PTPRN2: variants seen among roughly 807,000 people sequenced by gnomAD.
PTPRN2 encodes protein tyrosine phosphatase receptor type N2.
In PTPRN2, 74 loss-of-function variants were observed where a neutral mutation model predicts 118.8. That is an observed-to-expected ratio of 0.62 (90% CI 0.52 to 0.76). The LOEUF is 0.76. Among genes scored for constraint, PTPRN2 ranks in the 30% least tolerant of loss-of-function variants. PTPRN2 has a pLI of 0.00. For synonymous variants in PTPRN2, 641 were observed against 608.0 expected (o/e 1.05, Z -0.80); for missense variants, 1,481 against 1,394.4 (o/e 1.06, Z -0.99).
At position 158,171,290 on chromosome 7, in the gene PTPRN2, C is replaced by T. The variant is rs1325211249; in HGVS notation, c.550-3999G>A. On this transcript the variant is annotated intron_variant, in intron 5 of 22. Transcript: ENST00000389418. ...ACACATATATACACACATATATATA[C>T]ACACATATATATACACACATATATA... is the stretch of plus-strand genomic sequence containing the variant. Among the ~76,000 whole-genome samples, 10 of 59,878 alleles carry T rather than the reference C, an allele frequency of 1.7e-4. 1 individual carries two copies. The highest frequency in any genetic ancestry group is 1.1e-3 in the African/African-American group (9 of 8,530). 39.3% of individuals were successfully genotyped at this position (59,878 alleles called of 152,430 possible).
At position 158,080,442 on chromosome 7, in the gene PTPRN2, G is replaced by A. The variant is rs118038861; in HGVS notation, c.1723+856C>T. On this transcript the variant is annotated intron_variant, in intron 11 of 22. Transcript: ENST00000389418. ...TTCCGTCCTGTCTTATCAATGATAC[G>A]GAACGGGAGCACCCTGCCTGCGGAA... 1.6e-4 allele frequency among the ~76,000 whole-genome samples: 24 copies of A among 151,742 alleles called. No individual in the cohort carries two copies. In the East Asian group the frequency reaches 4.3e-3, roughly 27 times the overall value.
At chr7:158,208,443 G>T (rs1379107591) in intron 3 of PTPRN2, among the ~76,000 whole-genome samples, 3 of 152,122 alleles carry the variant, frequency 2.0e-5, no homozygotes. Flanking sequence ...TGGAGCTGCA[G>T]TACATCTGGC....
chr7:157,782,662 C>T (rs768569038), intron 12 of PTPRN2, among the ~76,000 whole-genome samples: 2 of 152,210 alleles, frequency 1.3e-5, no homozygotes, highest in Non-Finnish European at 2.9e-5. Flanking sequence ...CGACGAGTGT[C>T]GGTACTCCAA....
In PTPRN2 at chr7:157,598,531, G is replaced by A. The variant is rs966538278; in HGVS notation, c.2419-3216C>T. ...GGGCCTCAGTCTCCATATCTGTATG[G>A]TGGGTGAGCTCAGGGAGTGAGGAGC... On this transcript the variant is annotated intron_variant, in intron 16 of 22. Coordinates refer to ENST00000389418, the MANE Select transcript of PTPRN2 (RefSeq NM_002847.5). The surrounding 1 kb of genome is among the most constrained non-coding windows in gnomAD (Gnocchi z 5.2). Among the ~76,000 whole-genome samples the A allele has an allele frequency of 2.0e-5, 3 of 149,614 alleles. No individual in the cohort carries two copies. Among genetic ancestry groups the A allele is most frequent in the Admixed American group, 6.6e-5 (1 of 15,184 alleles).
chr7:157,979,602 T>G (rs1802985508), intron 11 of PTPRN2, among the ~76,000 whole-genome samples: 1 of 152,098 alleles, frequency 6.6e-6, no homozygotes, highest in South Asian at 2.1e-4. Flanking sequence ...CCAGATGACT[T>G]GGTCACTACA....
In PTPRN2 at chr7:157,550,605, G is replaced by A. The variant is rs1341671451; in HGVS notation, c.2903-1586C>T. Among the ~76,000 whole-genome samples, 2 of 152,204 alleles carry A rather than the reference G, an allele frequency of 1.3e-5. No individual in the cohort carries two copies. Among genetic ancestry groups the A allele is most frequent in the Admixed American group, 6.5e-5 (1 of 15,292 alleles). ...TTTCCTGGCAGGAACAGGGCTCGTG[G>A]TGATGGGAGCCACTGTCGGGGCTAA... On this transcript the variant is annotated intron_variant, in intron 21 of 22. Transcript: ENST00000389418. This position sits in a 1 kb window ranked among gnomAD's most constrained non-coding sequence, Gnocchi z 5.2.
At chr7:158,071,299 TGGTGG>T (rs1811495827) in intron 11 of PTPRN2, among the ~76,000 whole-genome samples, 5 of 113,766 alleles carry the variant, frequency 4.4e-5, no homozygotes, top group Admixed American at 8.8e-5. Context: ...GAGGTGCTCG[TGGTGG>T]AGGTGCCCAT....
At chr7:157,816,210 G>A (rs148067919) in intron 12 of PTPRN2, among the ~76,000 whole-genome samples, 31 of 152,294 alleles carry the variant, frequency 2.0e-4, no homozygotes, top group South Asian at 4.1e-4. Context: ...GCCTCCTAGC[G>A]TGCTCTGAGG....
chr7:157,755,423 G>A (rs540132610), intron 12 of PTPRN2, among the ~76,000 whole-genome samples: 12 of 152,202 alleles, frequency 7.9e-5, no homozygotes, highest in Middle Eastern at 6.8e-3. Context: ...GAAGTTCATC[G>A]AACTTCTAGG....
At position 157,582,883 on chromosome 7, in the gene PTPRN2, A is replaced by T. The variant is rs1221441459; in HGVS notation, c.2497-4743T>A. 3.2e-5 allele frequency among the ~76,000 whole-genome samples: 3 copies of T among 93,136 alleles called. No individual in the cohort carries two copies. In the Admixed American group the frequency reaches 3.4e-4, roughly 10 times the overall value. 61.1% of individuals were successfully genotyped at this position (93,136 alleles called of 152,430 possible). On this transcript the variant is annotated intron_variant, in intron 17 of 22. Transcript: ENST00000389418. ...GAGCAAAACTCCACCTCAAAAAAAA[A>T]AAACAAAACAAAAAAAACAATAAAA... is the stretch of plus-strand genomic sequence containing the variant.
intron 10 of PTPRN2, among the ~76,000 whole-genome samples, chr7:158,094,996 G>A (rs566828886): frequency 1.3e-4 from 20 of 152,258 alleles, no homozygotes; most frequent in African/African-American, 4.6e-4. Context: ...CCCAAATGAA[G>A]TGTAACGCAC....
At chr7:157,679,818 G>A (rs1223121761) in intron 13 of PTPRN2, among the ~76,000 whole-genome samples, 1 of 152,100 alleles carries the variant, frequency 6.6e-6, no homozygotes, top group African/African-American at 2.4e-5. Flanking sequence ...CCCAGGTCAC[G>A]CGGGAAGTGC....
At chr7:158,072,095 GTAGTATGGAGGTGCTCA>G (rs1811970923) in intron 11 of PTPRN2, among the ~76,000 whole-genome samples, 14 of 126,708 alleles carry the variant, frequency 1.1e-4, no homozygotes, top group Middle Eastern at 9.8e-3. Context: ...GGAGGTGCTC[GTAGTATGGAGGTGCTCA>G]TGGTGGTGGA....
chr7:158,034,177 T>C (rs1807916898), intron 11 of PTPRN2, among the ~76,000 whole-genome samples: 1 of 147,176 alleles, frequency 6.8e-6, no homozygotes, highest in Admixed American at 6.7e-5. Flanking sequence ...TGGGTGAGCG[T>C]CCCTGGTCAG....
intron 11 of PTPRN2, among the ~76,000 whole-genome samples, chr7:158,002,239 C>T (rs1039380265): frequency 3.9e-5 from 6 of 152,216 alleles, no homozygotes; most frequent in Admixed American, 1.3e-4. Flanking sequence ...CTTAGAGACC[C>T]GCCCCCTGCA....
chr7:157,606,393 A>G (rs904726199), intron 15 of PTPRN2, among the ~76,000 whole-genome samples: 1 of 152,228 alleles, frequency 6.6e-6, no homozygotes. Flanking sequence ...CAGGATGCCC[A>G]GGTTACGCCT....
At chr7:157,616,603 A>AGATCAAAAGGGGTGAAGG (rs1802788603) in intron 15 of PTPRN2, 1 of 152,148 alleles carries the variant, frequency 6.6e-6, no homozygotes, top group South Asian at 2.1e-4. Flanking sequence ...GCTGGCACTG[A>AGATCAAAAGGGGTGAAGG]GATCAAAAGG....
In PTPRN2 at chr7:157,656,313, G is replaced by C. The variant is rs1299128189; in HGVS notation, c.2196+44C>G. 4 of 1,502,984 alleles carry C rather than the reference G, an allele frequency of 2.7e-6. No individual in the cohort carries two copies. The Admixed American group carries it at 8.0e-5, about 30-fold the overall frequency. The allele number at this position is 1,502,984 out of a possible 1,614,324, so 93.1% of individuals were successfully genotyped here. A position where few individuals can be genotyped will look rare whatever the true frequency, so the allele number is the denominator to read the frequency against. On this transcript the variant is annotated intron_variant, in intron 14 of 22. Coordinates refer to ENST00000389418, the MANE Select transcript of PTPRN2 (RefSeq NM_002847.5). ...GGTGTTGCAGGGGCCGAGGAAGGAGGGCCCTGGTGTTTGTGTGGCAGGGAG... is the reference window on the plus strand; with the variant it reads ...GGTGTTGCAGGGGCCGAGGAAGGAGCGCCCTGGTGTTTGTGTGGCAGGGAG...
At chr7:157,606,399 C>T (rs1448105805) in intron 15 of PTPRN2, among the ~76,000 whole-genome samples, 11 of 152,182 alleles carry the variant, frequency 7.2e-5, no homozygotes, top group Admixed American at 2.6e-4. Context: ...GCCCAGGTTA[C>T]GCCTCCCTGC....
Sources: gnomAD v4.1 joint callset for allele counts (sites outside exome capture counted in the v4.1 genomes callset) on GRCh38, gnomAD v4.1.1 for gene constraint, Gnocchi (gnomAD v3.1) non-coding constraint, MANE v1.5 for transcripts, NCBI Gene and HGNC (gene_info 2026-07-23, HGNC 2026-07-21) for gene names.